AGMO: variants seen among roughly 807,000 people sequenced by gnomAD.
The protein encoded by AGMO is alkylglycerol monooxygenase.
Under a neutral mutation model 60.2 loss-of-function variants are expected in AGMO, and 75 were observed. The ratio of observed to expected loss-of-function variants is 1.25; its 90% CI spans 1.03 to 1.51. The LOEUF is 1.51. Among genes scored for constraint, AGMO ranks in the 40% most tolerant of loss-of-function variants. AGMO has a pLI of 0.00. For missense variants in AGMO, 763 were observed against 525.5 expected (o/e 1.45, Z -4.42); for synonymous variants, 261 against 177.1 (o/e 1.47, Z -3.76).
At chr7:15,358,346 C>A (rs1022684020) in intron 12 of AGMO, 13 of 455,194 alleles carry the variant, frequency 2.9e-5, no homozygotes, top group African/African-American at 2.2e-4. Context: ...TGGGTTAATG[C>A]TTTTTCAAAA....
chr7:15,142,763 C>G, the AGMO span, among the ~76,000 whole-genome samples: 637 of 152,232 alleles, frequency 4.2e-3, 3 homozygotes, highest in African/African-American at 0.013. Context: ...AGGGAGAATA[C>G]GAGATTGCCG....
intron 3 of AGMO, among the ~76,000 whole-genome samples, chr7:15,479,115 G>A (rs1249754546): frequency 1.3e-5 from 2 of 152,058 alleles, no homozygotes; most frequent in Non-Finnish European, 2.9e-5. Flanking sequence ...ACAGTGCAAG[G>A]ATATATTGTT....
chr7:15,423,096 CTTTAT>C (rs67272888), intron 4 of AGMO, among the ~76,000 whole-genome samples: 45,273 of 151,766 alleles, frequency 0.3, 7,249 homozygotes, highest in Non-Finnish European at 0.37. Context: ...TTCATGTCTA[CTTTAT>C]TTTAATAGTT....
At chr7:15,327,213 A>G (rs1289698790) in intron 12 of AGMO, among the ~76,000 whole-genome samples, 2 of 152,136 alleles carry the variant, frequency 1.3e-5, no homozygotes, top group Non-Finnish European at 2.9e-5. Context: ...TTTTGGACTC[A>G]TCTACTACAC....
the AGMO span, among the ~76,000 whole-genome samples, chr7:15,194,633 C>T: frequency 6.6e-6 from 1 of 152,142 alleles, no homozygotes; most frequent in African/African-American, 2.4e-5. Context: ...AGTTGATAAA[C>T]ATTTTATGCA....
At chr7:15,560,574 AAATACATTTAG>A (rs1037286975) in intron 1 of AGMO, among the ~76,000 whole-genome samples, 1 of 152,176 alleles carries the variant, frequency 6.6e-6, no homozygotes, top group Non-Finnish European at 1.5e-5. Context: ...TTAGTTTAAA[AAATACATTTAG>A]AATAAGGTAG....
chr7:15,529,436 A>C (rs1266665962), intron 3 of AGMO, among the ~76,000 whole-genome samples: 2 of 147,844 alleles, frequency 1.4e-5, no homozygotes, highest in African/African-American at 5.0e-5. Flanking sequence ...AGTTTAAAAC[A>C]ACATCAACAA....
chr7:15,407,351 G>A (rs1179152892), intron 5 of AGMO, among the ~76,000 whole-genome samples: 1 of 150,472 alleles, frequency 6.6e-6, no homozygotes, highest in African/African-American at 2.4e-5. Flanking sequence ...GGTAACTGTA[G>A]AATAGAAGGA....
At chr7:15,484,992 A>T (rs1320497972) in intron 3 of AGMO, among the ~76,000 whole-genome samples, 3 of 152,080 alleles carry the variant, frequency 2.0e-5, no homozygotes, top group Admixed American at 2.0e-4. Context: ...GGGATACAAG[A>T]TAATGTGATA....
the AGMO span, among the ~76,000 whole-genome samples, chr7:15,180,832 A>C: frequency 1.1e-3 from 166 of 152,284 alleles, no homozygotes; most frequent in Middle Eastern, 6.8e-3. Context: ...TATAAAGAAA[A>C]GTTTGTTTGG....
intron 5 of AGMO, among the ~76,000 whole-genome samples, chr7:15,399,343 G>T (rs978963164): frequency 5.9e-5 from 9 of 152,094 alleles, no homozygotes; most frequent in Non-Finnish European, 1.3e-4. Context: ...AGTTCATAAA[G>T]CTTTAAGAGC....
At chr7:15,122,470 T>C in the AGMO span, among the ~76,000 whole-genome samples, 3 of 152,108 alleles carry the variant, frequency 2.0e-5, no homozygotes, top group Non-Finnish European at 2.9e-5. Context: ...AAACTACAGA[T>C]TCATACGTTC....
intron 2 of AGMO, among the ~76,000 whole-genome samples, chr7:15,556,219 G>GTTTTTTTTTTTTTTTTTTTTTTTTTT (rs71004394): frequency 1.1e-5 from 1 of 91,506 alleles, no homozygotes; most frequent in African/African-American, 3.9e-5. Context: ...CTCCTTTTTA[G>GTTTTTTTTTTTTTTTTTTTTTTTTTT]TTTTTTTTTT....
At chr7:15,396,175 C>T (rs1418583586) in intron 5 of AGMO, 1 of 152,436 alleles carries the variant, frequency 6.6e-6, no homozygotes, top group Non-Finnish European at 1.5e-5. Flanking sequence ...ATTTAGCCCT[C>T]CCTCGTCCAG....
chr7:15,392,494 A>G (rs1784184140), intron 6 of AGMO, among the ~76,000 whole-genome samples: 1 of 152,044 alleles, frequency 6.6e-6, no homozygotes, highest in Non-Finnish European at 1.5e-5. Context: ...AAATTAAAAA[A>G]CATTAAAAGT....
rs186308723 is a variant in AGMO at position 15,354,788 on chromosome 7, G to A, written c.1263+10726C>T. Reference sequence around the variant, plus strand: ...ATCTGCTAATAACCCCAGTGTTTACGTTTTACGCTATTCCCTGAATTTTTT... The same window carrying A: ...ATCTGCTAATAACCCCAGTGTTTACATTTTACGCTATTCCCTGAATTTTTT... On this transcript the variant is annotated intron_variant, in intron 12 of 12. Transcript: ENST00000342526. 3.7e-3 allele frequency among the ~76,000 whole-genome samples: 565 copies of A among 150,878 alleles called. 3 individuals carry two copies. The highest frequency in any genetic ancestry group is 0.011 in the African/African-American group (464 of 41,268).
chr7:15,387,584 G>T, intron 8 of AGMO, 44 bp from the exon 9 acceptor site: 1 of 1,529,760 alleles, frequency 6.5e-7, no homozygotes, highest in African/African-American at 1.4e-5. Context: ...AAGATAAATA[G>T]GAAAGATTAA....
At chr7:15,364,528 C>G (rs551923036) in intron 12 of AGMO, among the ~76,000 whole-genome samples, 1 of 152,030 alleles carries the variant, frequency 6.6e-6, no homozygotes, top group African/African-American at 2.4e-5. Context: ...CATTCATGGC[C>G]TTTAAGTTGT....
rs377524588 is a variant in AGMO, at chr7:15,344,740, T to C, written c.1263+20774A>G. 5.9e-5 allele frequency among the ~76,000 whole-genome samples: 9 copies of C among 152,132 alleles called. 1 individual carries two copies. The East Asian group carries it at 1.4e-3, about 23-fold the overall frequency. On this transcript the variant is annotated intron_variant, in intron 12 of 12. Transcript: ENST00000342526. ...CAAAAACACGTGGATGCAGATTTTC[T>C]TTGCTCTCAAGAGAAGACTTTTCCA...
Sources: gnomAD v4.1 joint callset for allele counts (sites outside exome capture counted in the v4.1 genomes callset) on GRCh38, gnomAD v4.1.1 for gene constraint, MANE v1.5 for transcripts, NCBI Gene and HGNC (gene_info 2026-07-23, HGNC 2026-07-21) for gene names.